LRRC37B: variants seen among roughly 807,000 people sequenced by gnomAD.
LRRC37B encodes leucine rich repeat containing 37B, also known as leucine-rich repeat-containing protein 37B.
Under a neutral mutation model 98.3 loss-of-function variants are expected in LRRC37B, and 28 were observed. The observed-to-expected ratio is 0.28, with a 90% CI of 0.21 to 0.39. The LOEUF (loss-of-function observed/expected upper bound fraction) is 0.39, where lower values mean the gene tolerates loss of function less well. Among genes scored for constraint, LRRC37B ranks in the 10% least tolerant of loss-of-function variants. The probability of loss-of-function intolerance (pLI) is 1.00; values close to 1 mark genes in which losing one functional copy is unlikely to be tolerated. For missense variants in LRRC37B, 938 were observed against 1,182.7 expected (o/e 0.79, Z 3.03); for synonymous variants, 364 against 442.7 (o/e 0.82, Z 2.23).
upstream of LRRC37B, chr17:32,018,195 G>A (rs943012987): frequency 2.0e-5 from 3 of 152,998 alleles, no homozygotes; most frequent in Non-Finnish European, 2.9e-5. Flanking sequence ...TGGGGGAAAC[G>A]GTGGTGCATG....
At chr17:32,014,959 C>A (rs1347672620) in intron 1 of LRRC37B, among the ~76,000 whole-genome samples, 4 of 151,984 alleles carry the variant, frequency 2.6e-5, no homozygotes, top group Non-Finnish European at 5.9e-5. Flanking sequence ...TGGTGAGACC[C>A]CATCTCTACA....
At chr17:32,041,189 G>C (rs553679371) in intron 7 of LRRC37B, 1 of 772,302 alleles carries the variant, frequency 1.3e-6, no homozygotes, top group South Asian at 1.3e-5. Flanking sequence ...GGGAGTATAA[G>C]CCCAAGTTCT....
chr17:32,053,479 G>A (rs35881489), exon 12 of LRRC37B: 2 of 644,512 alleles, frequency 3.1e-6, no homozygotes, highest in African/African-American at 1.8e-5. Context: ...AATAAAGCTT[G>A]TTAGATCATT....
At chr17:32,052,220 T>G (rs1911780258) in intron 11 of LRRC37B, 1 of 151,604 alleles carries the variant, frequency 6.6e-6, no homozygotes, top group Non-Finnish European at 1.5e-5. Context: ...CAGGGCCTTG[T>G]TGTCACCCAG....
At chr17:32,032,379 A>T (rs1911135103) in intron 5 of LRRC37B, among the ~76,000 whole-genome samples, 1 of 152,156 alleles carries the variant, frequency 6.6e-6, no homozygotes, top group African/African-American at 2.4e-5. Context: ...GCAAAAAAAA[A>T]TTTTGTAAAG....
At chr17:32,033,322 G>A (rs1248005231) in intron 5 of LRRC37B, among the ~76,000 whole-genome samples, 1 of 138,388 alleles carries the variant, frequency 7.2e-6, no homozygotes, top group African/African-American at 2.6e-5. Flanking sequence ...AAGGAAGGGA[G>A]GAAGGGAGGG....
rs762135202 is a variant in LRRC37B, at chr17:32,022,779, G to C, written c.1714G>C (p.Val572Leu). 28 of 1,613,994 alleles carry C rather than the reference G, an allele frequency of 1.7e-5. No individual in the cohort carries two copies. The highest frequency in any genetic ancestry group is 2.4e-5 in the Non-Finnish European group (28 of 1,179,878). The stretch of plus-strand genomic sequence containing the variant: ...CAGCCCAAAGCAGAGGCTCCGCCAA[G>C]TGCCTGTGCCAGAGCCCGACACCTA... Residue 572 changes from valine to leucine, a missense_variant, in exon 1 of 12, where the codon GTG becomes CTG. Physicochemically the swap from Val to Leu is conservative, Grantham distance 32. Transcript: ENST00000327564.
intron 1 of LRRC37B, among the ~76,000 whole-genome samples, chr17:32,015,194 G>A (rs1910624798): frequency 6.6e-6 from 1 of 152,168 alleles, no homozygotes; most frequent in Admixed American, 6.5e-5. Flanking sequence ...CAGAAGATAG[G>A]GATTGGGGGC....
chr17:32,027,431 C>T (rs1257024484), intron 2 of LRRC37B, among the ~76,000 whole-genome samples: 1 of 105,596 alleles, frequency 9.5e-6, no homozygotes, highest in Non-Finnish European at 2.0e-5. Flanking sequence ...GCGTGCTTGC[C>T]TGTGTGTGTG....
upstream of LRRC37B, among the ~76,000 whole-genome samples, chr17:32,019,702 T>C (rs1276615317): frequency 6.6e-6 from 1 of 152,202 alleles, no homozygotes; most frequent in Non-Finnish European, 1.5e-5. Context: ...ATTATTTTAA[T>C]TCAATTTAAA....
At chr17:32,009,524 C>T (rs1475023802) in intron 1 of LRRC37B, among the ~76,000 whole-genome samples, 2 of 152,186 alleles carry the variant, frequency 1.3e-5, no homozygotes, top group Non-Finnish European at 1.5e-5. Context: ...TCTGCTGCCT[C>T]GGCCTCCCAA....
At chr17:32,021,900 C>T in exon 1 of LRRC37B, 1 of 1,614,178 alleles carries the variant, frequency 6.2e-7, no homozygotes, top group African/African-American at 1.3e-5. Flanking sequence ...TCCAGGGCCT[C>T]CTGAGCAAGT....
At position 32,022,451 on chromosome 17, in the gene LRRC37B, G is replaced by A. The variant is rs144689537; in HGVS notation, c.1386G>A (p.Pro462=). 1.1e-3 allele frequency: 1,779 copies of A among 1,612,860 alleles called. 3 individuals carry two copies. Among genetic ancestry groups the A allele is most frequent in the Admixed American group, 1.8e-3 (111 of 60,012 alleles). ...CAGAGCCTACTACAGAGGTTAAACC[G>A]TCTCCAACCACGGAGGAAACCTCAG... Residue 462 remains proline, a synonymous_variant, in exon 1 of 12, where the codon CCG becomes CCA. Coordinates refer to ENST00000327564, the Ensembl canonical transcript of LRRC37B.
chr17:32,048,618 C>G lies in LRRC37B; in HGVS notation c.2465-484C>G, dbSNP rs139972351. 1.8e-3 allele frequency among the ~76,000 whole-genome samples: 278 copies of G among 152,266 alleles called. 1 individual carries two copies. Among genetic ancestry groups the G allele is most frequent in the African/African-American group, 6.1e-3 (252 of 41,544 alleles). On this transcript the variant is annotated intron_variant, in intron 9 of 11. Coordinates refer to ENST00000327564, the Ensembl canonical transcript of LRRC37B. The stretch of plus-strand genomic sequence containing the variant: ...AACATGAAGGCTGCTAAACCAATCA[C>G]ACATTCCAGAAAAAAATACCGCTTT...
At chr17:32,035,856 C>G in intron 7 of LRRC37B, 1 of 442,330 alleles carries the variant, frequency 2.3e-6, no homozygotes, top group Non-Finnish European at 4.0e-6. Context: ...CCCCTCATTT[C>G]CCTTTGTAGG....
intron 7 of LRRC37B, chr17:32,041,793 C>T (rs1382393941): frequency 2.2e-6 from 1 of 458,830 alleles, no homozygotes; most frequent in Non-Finnish European, 4.4e-6. Flanking sequence ...CTCCTCCCTG[C>T]TCCCCAACTC....
intron 11 of LRRC37B, among the ~76,000 whole-genome samples, chr17:32,050,830 G>A (rs1911734122): frequency 6.6e-6 from 1 of 152,064 alleles, no homozygotes; most frequent in African/African-American, 2.4e-5. Flanking sequence ...GCTACCCTGG[G>A]GCGAGTCCTG....
intron 1 of LRRC37B, among the ~76,000 whole-genome samples, chr17:32,010,906 A>G (rs542098481): frequency 6.6e-6 from 1 of 151,900 alleles, no homozygotes; most frequent in Admixed American, 6.6e-5. Flanking sequence ...TCCTTGGCCT[A>G]TTTCACTTAA....
intron 7 of LRRC37B, chr17:32,040,636 T>C: frequency 1.3e-6 from 1 of 778,192 alleles, no homozygotes; most frequent in South Asian, 1.3e-5. Flanking sequence ...CTGACCATGC[T>C]CAACACAGTG....
Sources: allele counts gnomAD v4.1 joint callset (sites outside exome capture counted in the v4.1 genomes callset), GRCh38; gene constraint gnomAD v4.1.1; transcripts MANE v1.5; gene names NCBI Gene and HGNC (gene_info 2026-07-23, HGNC 2026-07-21).